OR10Z1: variants seen among roughly 807,000 people sequenced by gnomAD.
OR10Z1 encodes olfactory receptor 10Z1.
For missense variants in OR10Z1, 468 were observed against 371.0 expected (o/e 1.26, Z -2.15); for synonymous variants, 187 against 151.2 (o/e 1.24, Z -1.74).
rs768348063 is a variant in OR10Z1, at chr1:158,606,578, T to C, written c.140T>C (p.Ile47Thr). ...CTGACCAGCAATGTCTTCATTATCATAGCCATCAGGCTGGATAGCCATCTG... is the reference window on the plus strand; with the variant it reads ...CTGACCAGCAATGTCTTCATTATCACAGCCATCAGGCTGGATAGCCATCTG... ...VTLTSNVFII[I>T]AIRLDSHLHT... Residue 47 changes from isoleucine (I) to threonine (T), a missense_variant, in exon 2 of 2, where the codon ATA becomes ACA. Transcript: ENST00000641002. 1.9e-6 allele frequency: 3 copies of C among 1,614,016 alleles called. No individual in the cohort carries two copies. The highest frequency in any genetic ancestry group is 1.7e-5 in the Admixed American group (1 of 60,016).
In OR10Z1 at chr1:158,611,210, C is replaced by G. The variant is rs1163743882; in HGVS notation, c.*3830C>G. The stretch of plus-strand genomic sequence containing the variant: ...CACATTTGCCTGTACTCTTTGCCCC[C>G]CAGTAAATTTCCCACGACACTAAGA... On this transcript the variant is annotated 3_prime_UTR_variant, in exon 2 of 2. Coordinates refer to ENST00000641002, the MANE Select transcript of OR10Z1 (RefSeq NM_001004478.2). 1.2e-6 allele frequency: 2 copies of G among 1,603,874 alleles called. No homozygotes were observed. The highest frequency in any genetic ancestry group is 1.3e-5 in the African/African-American group (1 of 74,384).
chr1:158,612,505 C>A lies in OR10Z1; in HGVS notation c.*5125C>A. ...CTGTGTCTTACTAAAGTTTGCACTC[C>A]TCATGCCTGGAACATAGTAAGCATT... On this transcript the variant is annotated 3_prime_UTR_variant, in exon 2 of 2. Transcript: ENST00000641002. 5.3e-6 allele frequency: 2 copies of A among 376,542 alleles called. No homozygotes were observed. The highest frequency in any genetic ancestry group is 5.1e-6 in the Non-Finnish European group (1 of 197,532). The allele number at this position is 376,542 out of a possible 1,614,324, so 23.3% of individuals were successfully genotyped here. A position where few individuals can be genotyped will look rare whatever the true frequency, so the allele number is the denominator to read the frequency against.
chr1:158,607,209 C>T lies in OR10Z1; in HGVS notation c.771C>T (p.Phe257=), dbSNP rs1005779918. 20 of 1,613,974 alleles carry T rather than the reference C, an allele frequency of 1.2e-5. No individual in the cohort carries two copies. The highest frequency in any genetic ancestry group is 1.1e-4 in the East Asian group (5 of 44,888). ...TTATTCATTATGGCTGTGCTTCCTTCGTGTACCTGAGGCCCAAAGCCAGCT... is the reference window on the plus strand; with the variant it reads ...TTATTCATTATGGCTGTGCTTCCTTTGTGTACCTGAGGCCCAAAGCCAGCT... ...VVIIHYGCAS[F]VYLRPKASYS... Residue 257 remains phenylalanine (F), a synonymous_variant, in exon 2 of 2, where the codon TTC becomes TTT. Coordinates refer to ENST00000641002, the MANE Select transcript of OR10Z1 (RefSeq NM_001004478.2).
Position 158,606,486 on chromosome 1 carries a change from C to A in OR10Z1, c.48C>A (p.Gly16=), listed in dbSNP as rs200205424. The stretch of plus-strand genomic sequence containing the variant: ...CCTGGAGGGATTTTGTCTTCCTGGG[C>A]TTCTCCAGTTCTGGGGAGTTGCAGC... The part of the protein sequence containing the change: ...VTSWRDFVFL[G]FSSSGELQLL... Residue 16 remains glycine, a synonymous_variant, in exon 2 of 2, where the codon GGC becomes GGA. Transcript: ENST00000641002. 1 of 1,613,922 alleles carries A rather than the reference C, an allele frequency of 6.2e-7. No homozygotes were observed. Among genetic ancestry groups the A allele is most frequent in the Non-Finnish European group, 8.5e-7 (1 of 1,179,866 alleles).
rs755230342 is a variant in OR10Z1 at position 158,611,375 on chromosome 1, C to T, written c.*3995C>T. The T allele has an allele frequency of 1.2e-6, 2 of 1,613,642 alleles. No individual in the cohort carries two copies. Among genetic ancestry groups the T allele is most frequent in the Admixed American group, 1.7e-5 (1 of 59,962 alleles). On this transcript the variant is annotated 3_prime_UTR_variant, in exon 2 of 2. Coordinates refer to ENST00000641002, the MANE Select transcript of OR10Z1 (RefSeq NM_001004478.2). ...TATGTGTGGCACAGAATGACACTTG[C>T]TCTGGGGTAAGGGCCTGAAAAGTAT...
rs1461401542 is a variant in OR10Z1 at position 158,606,334 on chromosome 1, G to A, written c.-105G>A. On this transcript the variant is annotated 5_prime_UTR_variant, in exon 2 of 2. Coordinates refer to ENST00000641002, the MANE Select transcript of OR10Z1 (RefSeq NM_001004478.2). ...AGAGCTGCCTTTTTAAGTTGCAACA[G>A]GAACAAGAGAAAAAGAATCCATATC... 2 of 723,444 alleles carry A rather than the reference G, an allele frequency of 2.8e-6. No homozygotes were observed. Among genetic ancestry groups the A allele is most frequent in the African/African-American group, 3.5e-5 (2 of 56,484 alleles). 44.8% of individuals were successfully genotyped at this position (723,444 alleles called of 1,614,324 possible). A position where few individuals can be genotyped will look rare whatever the true frequency, so the allele number is the denominator to read the frequency against.
chr1:158,607,208 T>G lies in OR10Z1; in HGVS notation c.770T>G (p.Phe257Cys). ...ATTATTCATTATGGCTGTGCTTCCT[T>G]CGTGTACCTGAGGCCCAAAGCCAGC... The part of the protein sequence containing the change: ...VVIIHYGCAS[F>C]VYLRPKASYS... The change falls in exon 2 of 2, where the codon TTC (phenylalanine) becomes TGC (cysteine). Residue 257 changes from phenylalanine (F) to cysteine (C), a missense_variant. Transcript: ENST00000641002. 1 of 1,614,082 alleles carries G rather than the reference T, an allele frequency of 6.2e-7. No individual in the cohort carries two copies. The highest frequency in any genetic ancestry group is 1.1e-5 in the South Asian group (1 of 91,084).
rs1254086817 is a variant in OR10Z1 at position 158,607,736 on chromosome 1, T to C, written c.*356T>C. On this transcript the variant is annotated 3_prime_UTR_variant, in exon 2 of 2. Coordinates refer to ENST00000641002, the MANE Select transcript of OR10Z1 (RefSeq NM_001004478.2). ...TGAGGGAAGTTTGGAGTGTTCAAGT[T>C]CAAGGCAGGGCTGGCTGGAGCCCAT... 5.3e-6 allele frequency: 1 copy of C among 190,196 alleles called. No homozygotes were observed. The highest frequency in any genetic ancestry group is 5.4e-5 in the Admixed American group (1 of 18,530). 11.8% of individuals were successfully genotyped at this position (190,196 alleles called of 1,614,324 possible).
At position 158,606,873 on chromosome 1, in the gene OR10Z1, C is replaced by CAT; in HGVS notation, c.436_437dup (p.Thr147LeufsTer5). The CAT allele has an allele frequency of 6.2e-7, 1 of 1,614,034 alleles. No individual in the cohort carries two copies. Among genetic ancestry groups the CAT allele is most frequent in the East Asian group, 2.2e-5 (1 of 44,874 alleles). On this transcript the variant is annotated frameshift_variant, in exon 2 of 2. Transcript: ENST00000641002. LOFTEE classifies it low-confidence loss of function (END_TRUNC). ...ATCCTACCCTCTGTGCCCAGCTGGT[C>CAT]ATTACTTCCTTCCTGACTGGATACC...
Position 158,611,381 on chromosome 1 carries a change from G to T in OR10Z1, c.*4001G>T. 6.2e-7 allele frequency: 1 copy of T among 1,613,562 alleles called. No individual in the cohort carries two copies. Among genetic ancestry groups the T allele is most frequent in the Non-Finnish European group, 8.5e-7 (1 of 1,179,652 alleles). On this transcript the variant is annotated 3_prime_UTR_variant, in exon 2 of 2. Coordinates refer to ENST00000641002, the MANE Select transcript of OR10Z1 (RefSeq NM_001004478.2). ...TGGCACAGAATGACACTTGCTCTGG[G>T]GTAAGGGCCTGAAAAGTATAAAAAG...
In OR10Z1 at chr1:158,611,253, G is replaced by A; in HGVS notation, c.*3873G>A. On this transcript the variant is annotated 3_prime_UTR_variant, in exon 2 of 2. Transcript: ENST00000641002. ...CACTAAGATTTTCTACGATCCACGA[G>A]GAGCTGCTTATTAGTTGCCAAAGTA... The A allele has an allele frequency of 7.4e-6, 12 of 1,613,326 alleles. No individual in the cohort carries two copies. The highest frequency in any genetic ancestry group is 1.0e-5 in the Non-Finnish European group (12 of 1,179,540).
In OR10Z1 at chr1:158,606,936, C is replaced by T. The variant is rs1352032557; in HGVS notation, c.498C>T (p.Leu166=). Reference sequence around the variant, plus strand: ...GAATGACACTAGTTATTTTCCACCTCTCATTCTGCAGCTCCCATGAAATCC... The same window carrying T: ...GAATGACACTAGTTATTTTCCACCTTTCATTCTGCAGCTCCCATGAAATCC... ...GLGMTLVIFH[L]SFCSSHEIQH... Residue 166 remains leucine, a synonymous_variant, in exon 2 of 2, where the codon CTC becomes CTT. Transcript: ENST00000641002. The T allele has an allele frequency of 4.3e-6, 7 of 1,614,086 alleles. No homozygotes were observed. The highest frequency in any genetic ancestry group is 5.9e-6 in the Non-Finnish European group (7 of 1,179,998).
rs910853954 is a variant in OR10Z1, at chr1:158,610,286, C to T, written c.*2906C>T. The T allele has an allele frequency of 2.0e-5, 3 of 152,126 alleles. No individual in the cohort carries two copies. Among genetic ancestry groups the T allele is most frequent in the Non-Finnish European group, 4.4e-5 (3 of 68,018 alleles). 9.4% of individuals were successfully genotyped at this position (152,126 alleles called of 1,614,324 possible). A position where few individuals can be genotyped will look rare whatever the true frequency, so the allele number is the denominator to read the frequency against. ...AAGTGGGGACTATTTGTGCAGAACG[C>T]TAGCAGTTTTATACACAGCAATTAA... On this transcript the variant is annotated 3_prime_UTR_variant, in exon 2 of 2. Transcript: ENST00000641002.
Position 158,609,027 on chromosome 1 carries a change from GGATAT to G in OR10Z1, c.*1648_*1652del, listed in dbSNP as rs1649134564. The G allele has an allele frequency of 6.6e-6, 1 of 152,064 alleles. No homozygotes were observed. The highest frequency in any genetic ancestry group is 1.5e-5 in the Non-Finnish European group (1 of 68,026). The allele number at this position is 152,064 out of a possible 1,614,324, so 9.4% of individuals were successfully genotyped here. On this transcript the variant is annotated 3_prime_UTR_variant, in exon 2 of 2. Coordinates refer to ENST00000641002, the MANE Select transcript of OR10Z1 (RefSeq NM_001004478.2). ...GCAAGGAGATCAGCAAGAAACCCATGGATATCAGCTTAAAAAAAGGCAAAGAGGCT... is the reference window on the plus strand; with the variant it reads ...GCAAGGAGATCAGCAAGAAACCCATGCAGCTTAAAAAAAGGCAAAGAGGCT...
Position 158,606,940 on chromosome 1 carries a change from T to C in OR10Z1, c.502T>C (p.Phe168Leu). The change falls in exon 2 of 2, where the codon TTC (phenylalanine) becomes CTC (leucine). Residue 168 changes from phenylalanine to leucine, a missense_variant. Coordinates refer to ENST00000641002, the MANE Select transcript of OR10Z1 (RefSeq NM_001004478.2). ...GACACTAGTTATTTTCCACCTCTCATTCTGCAGCTCCCATGAAATCCAGCA... is the reference window on the plus strand; with the variant it reads ...GACACTAGTTATTTTCCACCTCTCACTCTGCAGCTCCCATGAAATCCAGCA... Reference protein sequence around the residue: ...GMTLVIFHLSFCSSHEIQHFF... With the variant: ...GMTLVIFHLSLCSSHEIQHFF... 6.2e-7 allele frequency: 1 copy of C among 1,614,066 alleles called. No individual in the cohort carries two copies. Among genetic ancestry groups the C allele is most frequent in the Non-Finnish European group, 8.5e-7 (1 of 1,180,002 alleles).
At position 158,606,348 on chromosome 1, in the gene OR10Z1, A is replaced by G. The variant is rs1013882763; in HGVS notation, c.-91A>G. On this transcript the variant is annotated 5_prime_UTR_variant, in exon 2 of 2. Transcript: ENST00000641002. ...AAGTTGCAACAGGAACAAGAGAAAA[A>G]GAATCCATATCATCCACCTTTTAAA... 16 of 790,628 alleles carry G rather than the reference A, an allele frequency of 2.0e-5. No individual in the cohort carries two copies. The highest frequency in any genetic ancestry group is 3.8e-4 in the Middle Eastern group (1 of 2,654). The allele number at this position is 790,628 out of a possible 1,614,324, so 49.0% of individuals were successfully genotyped here.
rs1649108980 is a variant in OR10Z1 at position 158,608,199 on chromosome 1, T to A, written c.*819T>A. 1.3e-5 allele frequency: 2 copies of A among 152,166 alleles called. No homozygotes were observed. Among genetic ancestry groups the A allele is most frequent in the Admixed American group, 6.5e-5 (1 of 15,268 alleles). 9.4% of individuals were successfully genotyped at this position (152,166 alleles called of 1,614,324 possible). The stretch of plus-strand genomic sequence containing the variant: ...CCTGGTAGCTTCAGAATCTTGAGTG[T>A]CAAAGACCTTTCTCATTTGGGTCGC... On this transcript the variant is annotated 3_prime_UTR_variant, in exon 2 of 2. Transcript: ENST00000641002.
rs977658653 is a variant in OR10Z1, at chr1:158,609,094, T to G, written c.*1714T>G. ...AGTGACATTCAGAGACTGAAGGAAA[T>G]CACAAACATGAGATTTTGAGAAGGT... On this transcript the variant is annotated 3_prime_UTR_variant, in exon 2 of 2. Transcript: ENST00000641002. 6.6e-6 allele frequency: 1 copy of G among 151,922 alleles called. No homozygotes were observed. The highest frequency in any genetic ancestry group is 6.6e-5 in the Admixed American group (1 of 15,242). The allele number at this position is 151,922 out of a possible 1,614,324, so 9.4% of individuals were successfully genotyped here.
intron 1 of OR10Z1, 112 bp from the exon 2 acceptor site, chr1:158,606,214 A>G: frequency 1.9e-6 from 1 of 535,346 alleles, no homozygotes; most frequent in South Asian, 2.8e-5. Context: ...GCATCTGTGT[A>G]TGTGTATATG....
Sources: allele counts gnomAD v4.1 joint callset, GRCh38; gene constraint gnomAD v4.1.1; transcripts MANE v1.5; gene names NCBI Gene and HGNC (gene_info 2026-07-23, HGNC 2026-07-21).